Variants in NCAM1 observed in about 807,000 individuals in gnomAD.
NCAM1 encodes neural cell adhesion molecule 1.
NCAM1 carries 14 observed loss-of-function variants against 109.8 expected under a neutral mutation model. The observed-to-expected ratio is 0.13, with a 90% CI of 0.08 to 0.20. The LOEUF (loss-of-function observed/expected upper bound fraction) is 0.20. Among genes scored for constraint, NCAM1 ranks in the 10% least tolerant of loss-of-function variants. NCAM1 has a pLI of 1.00. For synonymous variants in NCAM1, 418 were observed against 442.9 expected (o/e 0.94, Z 0.70); for missense variants, 774 against 1,109.9 (o/e 0.70, Z 4.30).
intron 16 of NCAM1, 102 bp downstream of exon 16, chr11:113,256,103 G>C: frequency 1.4e-6 from 2 of 1,430,898 alleles, no homozygotes; most frequent in Non-Finnish European, 1.9e-6. Flanking sequence ...GGTGGGATGG[G>C]GTCTTATTCT....
At chr11:113,213,501 C>G (rs1005742530) in intron 7 of NCAM1, among the ~76,000 whole-genome samples, 3 of 152,158 alleles carry the variant, frequency 2.0e-5, no homozygotes, top group African/African-American at 7.2e-5. Flanking sequence ...CCCAGAGCCC[C>G]CATCCAGTTC....
At chr11:113,067,318 C>T (rs1054142125) in intron 1 of NCAM1, among the ~76,000 whole-genome samples, 1 of 152,172 alleles carries the variant, frequency 6.6e-6, no homozygotes, top group Non-Finnish European at 1.5e-5. Context: ...ACTGGAAGCC[C>T]AAGGTTTCAC....
At chr11:113,056,026 A>AT (rs1953700739) in intron 1 of NCAM1, among the ~76,000 whole-genome samples, 3 of 120,618 alleles carry the variant, frequency 2.5e-5, no homozygotes, top group Non-Finnish European at 5.3e-5. Context: ...TATATATATA[A>AT]AATATATATA....
chr11:112,969,866 C>T (rs765241286), intron 1 of NCAM1, among the ~76,000 whole-genome samples: 6 of 151,942 alleles, frequency 3.9e-5, no homozygotes, highest in South Asian at 2.1e-4. Context: ...GTTCAAGCTG[C>T]GAAGAAATCA....
chr11:113,058,575 T>C (rs1953799146), intron 1 of NCAM1, among the ~76,000 whole-genome samples: 1 of 152,214 alleles, frequency 6.6e-6, no homozygotes, highest in African/African-American at 2.4e-5. Flanking sequence ...CCCAGCTTAT[T>C]GAGTAGGATA....
In NCAM1 at chr11:113,171,654, AATAAATAAATAAAT is replaced by A. The variant is rs1403805568; in HGVS notation, c.53-30723_53-30710del. ...GTCTCAATAAATAAATAAATAAATA[AATAAATAAATAAAT>A]AAAGAGAAGAGATAACTTATTGCCC... On this transcript the variant is annotated intron_variant, in intron 1 of 19. Coordinates refer to ENST00000316851, the MANE Select transcript of NCAM1 (RefSeq NM_181351.5). 1.8e-4 allele frequency among the ~76,000 whole-genome samples: 28 copies of A among 151,624 alleles called. No homozygotes were observed. In the East Asian group the frequency reaches 5.2e-3, roughly 28 times the overall value.
At chr11:113,188,939 C>T (rs1296132888) in intron 1 of NCAM1, among the ~76,000 whole-genome samples, 2 of 151,980 alleles carry the variant, frequency 1.3e-5, no homozygotes, top group African/African-American at 2.4e-5. Flanking sequence ...GCAGAGTCAC[C>T]GTGGTCACTG....
At chr11:113,155,184 G>T (rs2136301796) in intron 1 of NCAM1, among the ~76,000 whole-genome samples, 1 of 152,262 alleles carries the variant, frequency 6.6e-6, no homozygotes, top group Middle Eastern at 3.4e-3. Flanking sequence ...ATTGAAAATG[G>T]TCATTAGAGG....
At chr11:113,192,026 C>T (rs782568918) in intron 1 of NCAM1, among the ~76,000 whole-genome samples, 8 of 152,182 alleles carry the variant, frequency 5.3e-5, no homozygotes, top group Non-Finnish European at 1.2e-4. Context: ...AAAACATCTG[C>T]AAACAACAGC....
intron 1 of NCAM1, among the ~76,000 whole-genome samples, chr11:113,155,519 A>C (rs907307332): frequency 1.3e-5 from 2 of 151,530 alleles, no homozygotes; most frequent in East Asian, 1.9e-4. Context: ...AAAAAAAAAA[A>C]CAAAAAACAA....
At chr11:113,082,316 T>C (rs1342772892) in intron 1 of NCAM1, among the ~76,000 whole-genome samples, 1 of 152,228 alleles carries the variant, frequency 6.6e-6, no homozygotes, top group African/African-American at 2.4e-5. Context: ...TATACATTTT[T>C]TGATATGCCC....
At chr11:113,108,798 CA>C (rs1354078146) in intron 1 of NCAM1, among the ~76,000 whole-genome samples, 13 of 142,758 alleles carry the variant, frequency 9.1e-5, no homozygotes, top group African/African-American at 3.4e-4. Context: ...TTTTTTGAGA[CA>C]GAGTCTCACC....
chr11:113,189,881 G>GAA (rs5794854), intron 1 of NCAM1, among the ~76,000 whole-genome samples: 1,806 of 146,904 alleles, frequency 0.012, 20 homozygotes, highest in African/African-American at 0.031. Context: ...AACAAACAAG[G>GAA]AAAAAAAAAA....
chr11:112,967,566 CTTGTTAGAGTTAT>C (rs1555065810), intron 1 of NCAM1, among the ~76,000 whole-genome samples: 2 of 152,152 alleles, frequency 1.3e-5, no homozygotes, highest in Non-Finnish European at 2.9e-5. Flanking sequence ...GTAATGCCTA[CTTGTTAGAGTTAT>C]AAATATTTTA....
At chr11:113,241,404 G>T (rs375460867) in intron 14 of NCAM1, among the ~76,000 whole-genome samples, 2 of 152,150 alleles carry the variant, frequency 1.3e-5, no homozygotes, top group African/African-American at 4.8e-5. Context: ...TAGGCAAATC[G>T]TTTAACCCTT....
At chr11:113,047,470 T>G (rs1358590347) in intron 1 of NCAM1, among the ~76,000 whole-genome samples, 1 of 152,192 alleles carries the variant, frequency 6.6e-6, no homozygotes, top group East Asian at 1.9e-4. Flanking sequence ...CATACCGGGT[T>G]GGAGGCAAAA....
In NCAM1 at chr11:112,962,840, G is replaced by C. The variant is rs1443834913; in HGVS notation, c.52+1176G>C. Among the ~76,000 whole-genome samples, 1 of 152,114 alleles carries C rather than the reference G, an allele frequency of 6.6e-6. No individual in the cohort carries two copies. The highest frequency in any genetic ancestry group is 1.5e-5 in the Non-Finnish European group (1 of 68,006). Reference sequence around the variant, plus strand: ...GGAAGAAAAGCAGGGGCCGCAGAGAGCTGGGTGGGTTGGGCGGACATTCTG... The same window carrying C: ...GGAAGAAAAGCAGGGGCCGCAGAGACCTGGGTGGGTTGGGCGGACATTCTG... On this transcript the variant is annotated intron_variant, in intron 1 of 19. Transcript: ENST00000316851. This position sits in a 1 kb window ranked among gnomAD's most constrained non-coding sequence, Gnocchi z 5.6.
At chr11:112,961,838 CT>C (rs1366754316) in intron 1 of NCAM1, among the ~76,000 whole-genome samples, 174 bp downstream of exon 1, 13 of 152,162 alleles carry the variant, frequency 8.5e-5, no homozygotes, top group African/African-American at 3.1e-4. Context: ...ACCCCGCTCC[CT>C]CCAGGGCTGC....
chr11:113,220,433 T>G (rs1167158978), intron 8 of NCAM1, among the ~76,000 whole-genome samples: 3 of 152,122 alleles, frequency 2.0e-5, no homozygotes, highest in Non-Finnish European at 4.4e-5. Flanking sequence ...TCATTCCTAG[T>G]GTACCTCTCT....
Sources: allele counts gnomAD v4.1 joint callset (sites outside exome capture counted in the v4.1 genomes callset), GRCh38; gene constraint gnomAD v4.1.1; non-coding constraint Gnocchi (gnomAD v3.1); transcripts MANE v1.5; gene names NCBI Gene and HGNC (gene_info 2026-07-23, HGNC 2026-07-21).